The following CCDC18 variants were observed in gnomAD, a reference collection of about 807,000 sequenced individuals.
CCDC18 encodes coiled-coil domain containing 18.
In CCDC18, 157 loss-of-function variants were observed where a neutral mutation model predicts 196.0. The ratio of observed to expected loss-of-function variants is 0.80; its 90% confidence interval spans 0.70 to 0.91. CCDC18 has a LOEUF of 0.91. CCDC18 is among the 40% of genes least tolerant of loss of function. The pLI is 0.00. For missense variants in CCDC18, 1,465 were observed against 1,611.6 expected (o/e 0.91, Z 1.56); for synonymous variants, 482 against 529.2 (o/e 0.91, Z 1.22).
chr1:93,242,356 G>A (rs1468783281), intron 21 of CCDC18, among the ~76,000 whole-genome samples: 3 of 152,028 alleles, frequency 2.0e-5, no homozygotes, highest in East Asian at 1.9e-4. Flanking sequence ...GGGAAACTCC[G>A]CTTTATAAAA....
At chr1:93,247,500 A>T (rs1454766795) in intron 23 of CCDC18, among the ~76,000 whole-genome samples, 2 of 151,988 alleles carry the variant, frequency 1.3e-5, no homozygotes, top group African/African-American at 2.4e-5. Flanking sequence ...CTGCCGCCTC[A>T]ACATCCCAAG....
chr1:93,212,732 A>G (rs1345765478), intron 11 of CCDC18, among the ~76,000 whole-genome samples: 1 of 152,192 alleles, frequency 6.6e-6, no homozygotes, highest in Non-Finnish European at 1.5e-5. Flanking sequence ...GTGGTCCCCA[A>G]CCTTTTTGGC....
At chr1:93,235,467 T>C (rs1659949184) in intron 18 of CCDC18, among the ~76,000 whole-genome samples, 1 of 152,200 alleles carries the variant, frequency 6.6e-6, no homozygotes, top group African/African-American at 2.4e-5. Context: ...TCACTGGTGT[T>C]GTAATCCCTG....
chr1:93,246,892 A>G lies in CCDC18; in HGVS notation c.3136A>G (p.Ile1046Val). Residue 1046 changes from isoleucine (I) to valine (V), a missense_variant, in exon 23 of 29, where the codon ATA (isoleucine) becomes GTA (valine). Coordinates refer to ENST00000690025, the MANE Select transcript of CCDC18 (RefSeq NM_001378204.1). The part of the protein sequence containing the change: ...REHRGEMEQK[I>V]IKLEGTLEKS... ...GCACAGAGGAGAAATGGAACAAAAA[A>G]TAATTAAATTAGAAGGTACTCTGGA... 6.5e-7 allele frequency: 1 copy of G among 1,548,794 alleles called. No homozygotes were observed. Among genetic ancestry groups the G allele is most frequent in the African/African-American group, 1.4e-5 (1 of 72,392 alleles).
rs200650709 is a variant in CCDC18 at position 93,216,704 on chromosome 1, C to T, written c.1788C>T (p.Ser596=). 7 of 1,589,462 alleles carry T rather than the reference C, an allele frequency of 4.4e-6. No homozygotes were observed. The highest frequency in any genetic ancestry group is 2.7e-5 in the African/African-American group (2 of 73,546). Residue 596 remains serine, a synonymous_variant, in exon 13 of 29, where the codon TCC becomes TCT. Transcript: ENST00000690025. ...TGGAAGAAAAGATAGTTGCTTATTC[C>T]TCTATTGCTGCAAAAAATGCAGAAC... ...KQLEEKIVAY[S]SIAAKNAELE... is the part of the protein sequence containing the mutation.
chr1:93,218,373 T>A (rs1656840265), intron 14 of CCDC18, among the ~76,000 whole-genome samples: 1 of 152,208 alleles, frequency 6.6e-6, no homozygotes, highest in African/African-American at 2.4e-5. Context: ...TAAAGCTTAA[T>A]TTATAAATTA....
At chr1:93,190,765 C>T in intron 4 of CCDC18, 1 of 611,498 alleles carries the variant, frequency 1.6e-6, no homozygotes. Context: ...TTGGCTCTTT[C>T]TGCTCTTACC....
At chr1:93,194,340 A>T (rs531838047) in intron 6 of CCDC18, among the ~76,000 whole-genome samples, 66 of 152,308 alleles carry the variant, frequency 4.3e-4, no homozygotes, top group African/African-American at 1.5e-3. Flanking sequence ...TTGAGTTTAA[A>T]CTAATAAGAT....
chr1:93,229,112 GA>G (rs1658851590), intron 17 of CCDC18, among the ~76,000 whole-genome samples: 1 of 152,006 alleles, frequency 6.6e-6, no homozygotes, highest in South Asian at 2.1e-4. Context: ...TTTACAACTG[GA>G]AATACATACC....
At chr1:93,209,642 A>G (rs1406370827) in intron 9 of CCDC18, among the ~76,000 whole-genome samples, 1 of 152,234 alleles carries the variant, frequency 6.6e-6, no homozygotes, top group Non-Finnish European at 1.5e-5. Flanking sequence ...AGCTCCTCTG[A>G]TATCTGCTTT....
chr1:93,221,650 A>G lies in CCDC18; in HGVS notation c.2004A>G (p.Glu668=). The part of the protein sequence containing the change: ...QLEKKDQQFK[E]QEKTMSMLQQ... ...AGAAAAAGGACCAACAATTTAAAGA[A>G]CAAGAAAAGACTATGTCCATGTTGC... Residue 668 remains glutamate (E), a synonymous_variant, in exon 15 of 29, where the codon GAA becomes GAG. Transcript: ENST00000690025. 6.4e-7 allele frequency: 1 copy of G among 1,567,410 alleles called. No homozygotes were observed. Among genetic ancestry groups the G allele is most frequent in the Non-Finnish European group, 8.6e-7 (1 of 1,164,596 alleles).
At chr1:93,266,977 C>T (rs576451245) in intron 27 of CCDC18, among the ~76,000 whole-genome samples, 1 of 152,280 alleles carries the variant, frequency 6.6e-6, no homozygotes, top group East Asian at 1.9e-4. Flanking sequence ...CAAGGCCTGG[C>T]AGAGACGCAA....
At chr1:93,274,436 A>C (rs990637917) in intron 28 of CCDC18, among the ~76,000 whole-genome samples, 1 of 152,112 alleles carries the variant, frequency 6.6e-6, no homozygotes, top group African/African-American at 2.4e-5. Flanking sequence ...GTTAAAAGTT[A>C]CTACATAACA....
At chr1:93,194,412 C>T (rs894785617) in intron 6 of CCDC18, among the ~76,000 whole-genome samples, 5 of 149,490 alleles carry the variant, frequency 3.3e-5, no homozygotes, top group Non-Finnish European at 7.4e-5. Context: ...CTGTACTAAG[C>T]AATTTTGCAA....
rs1311536021 is a variant in CCDC18 at position 93,236,239 on chromosome 1, C to T, written c.2461-9C>T. Reference sequence around the variant, plus strand: ...AATTTAAAATGTTTACTGAAAACTGCTTTACAAGGTGTCAAAACTGGAACA... The same window carrying T: ...AATTTAAAATGTTTACTGAAAACTGTTTTACAAGGTGTCAAAACTGGAACA... On this transcript the variant is annotated splice_polypyrimidine_tract_variant and intron_variant, in intron 18 of 28. Coordinates refer to ENST00000690025, the MANE Select transcript of CCDC18 (RefSeq NM_001378204.1). 1 of 1,562,270 alleles carries T rather than the reference C, an allele frequency of 6.4e-7. No homozygotes were observed. The highest frequency in any genetic ancestry group is 2.4e-5 in the East Asian group (1 of 41,732).
chr1:93,193,596 A>T lies in CCDC18; in HGVS notation c.570-20A>T. On this transcript the variant is annotated intron_variant, in intron 5 of 28. Transcript: ENST00000690025. ...ATAATCTCTTTAGTAGTCTTAAACA[A>T]AGTATCCTTTATTTTATAGAGAGGC... The T allele has an allele frequency of 6.5e-7, 1 of 1,535,702 alleles. No homozygotes were observed. Among genetic ancestry groups the T allele is most frequent in the Non-Finnish European group, 8.8e-7 (1 of 1,138,152 alleles).
chr1:93,218,541 G>A (rs747104242), intron 14 of CCDC18, among the ~76,000 whole-genome samples: 34 of 149,636 alleles, frequency 2.3e-4, no homozygotes, highest in East Asian at 6.0e-4. Flanking sequence ...ATAGAGTCTC[G>A]CTCTGTCGGC....
chr1:93,201,637 A>T (rs866479947), intron 6 of CCDC18, among the ~76,000 whole-genome samples: 1 of 151,678 alleles, frequency 6.6e-6, no homozygotes, highest in Non-Finnish European at 1.5e-5. Context: ...TTGCCAACAC[A>T]TAAGAATTTA....
intron 23 of CCDC18, among the ~76,000 whole-genome samples, chr1:93,249,777 T>C (rs1661984450): frequency 6.6e-6 from 1 of 152,218 alleles, no homozygotes; most frequent in African/African-American, 2.4e-5. Context: ...TCCAATAATA[T>C]TTTCAATAAT....
Sources: gnomAD v4.1 joint callset for allele counts (sites outside exome capture counted in the v4.1 genomes callset) on GRCh38, gnomAD v4.1.1 for gene constraint, MANE v1.5 for transcripts, NCBI Gene and HGNC (gene_info 2026-07-23, HGNC 2026-07-21) for gene names.